Variants in LITAF observed in about 807,000 individuals in gnomAD.
The protein encoded by LITAF is lipopolysaccharide induced TNF factor.
Under a neutral mutation model 14.5 loss-of-function variants are expected in LITAF, and 9 were observed. That is an observed-to-expected ratio of 0.62 (90% CI 0.37 to 1.08). The LOEUF (loss-of-function observed/expected upper bound fraction) is 1.08. Among genes scored for constraint, LITAF ranks in the 50% least tolerant of loss-of-function variants. The probability of loss-of-function intolerance (pLI) is 0.01; values close to 1 mark genes in which losing one functional copy is unlikely to be tolerated. For synonymous variants in LITAF, 98 were observed against 88.2 expected, an observed-to-expected ratio of 1.11 and a Z score of -0.62; for missense variants, 206 against 213.4, an observed-to-expected ratio of 0.97 and a Z score of 0.22.
intron 1 of LITAF, among the ~76,000 whole-genome samples, chr16:11,585,916 T>C (rs1470451268): frequency 6.6e-6 from 1 of 152,170 alleles, no homozygotes; most frequent in Non-Finnish European, 1.5e-5. Context: ...AGAAAACCAG[T>C]GAAGGTCCAA....
chr16:11,579,443 G>T (rs1185894017), intron 1 of LITAF, among the ~76,000 whole-genome samples: 1 of 148,794 alleles, frequency 6.7e-6, no homozygotes. Flanking sequence ...GGGCGACAGA[G>T]CGAGACTCCG....
upstream of LITAF, among the ~76,000 whole-genome samples, chr16:11,590,656 T>C (rs775161903): frequency 1.7e-5 from 2 of 118,334 alleles, no homozygotes; most frequent in Non-Finnish European, 3.4e-5. Flanking sequence ...GCCACGTTGA[T>C]GTGTAAAAGT....
chr16:11,617,473 C>T (rs1358341804), intron 3 of LITAF, among the ~76,000 whole-genome samples: 9 of 129,036 alleles, frequency 7.0e-5, no homozygotes, highest in African/African-American at 2.5e-4. Context: ...TGCTCTGTTG[C>T]CCAGGCTGGA....
intron 3 of LITAF, among the ~76,000 whole-genome samples, chr16:11,608,653 G>C (rs933864983): frequency 9.2e-5 from 14 of 152,182 alleles, no homozygotes; most frequent in African/African-American, 2.9e-4. Flanking sequence ...CACTGAGTGA[G>C]AGAAGTCAGG....
At position 11,553,444 on chromosome 16, in the gene LITAF, G is replaced by A. The variant is rs371600978; in HGVS notation, c.377+89C>T. The stretch of plus-strand genomic sequence containing the variant: ...ACAACACAAATGTCTGGCCCTGAAT[G>A]TCAAGCATGGTGCAGTTGAGAACCC... On this transcript the variant is annotated intron_variant, in intron 3 of 3. Transcript: ENST00000622633. This position sits in a 1 kb window ranked among gnomAD's most constrained non-coding sequence, Gnocchi z 7.7. The A allele has an allele frequency of 4.0e-5, 55 of 1,374,108 alleles. 1 individual carries two copies. The South Asian group carries it at 6.3e-4, about 16-fold the overall frequency. The allele number at this position is 1,374,108 out of a possible 1,614,324, so 85.1% of individuals were successfully genotyped here.
intron 1 of LITAF, among the ~76,000 whole-genome samples, chr16:11,557,288 G>A (rs970481359): frequency 1.3e-5 from 2 of 151,884 alleles, no homozygotes; most frequent in Middle Eastern, 3.4e-3. Context: ...TCTTGGAAGA[G>A]GAAGAAGAAT....
intron 1 of LITAF, among the ~76,000 whole-genome samples, chr16:11,560,986 T>G (rs2064353838): frequency 6.6e-6 from 1 of 152,140 alleles, no homozygotes; most frequent in Non-Finnish European, 1.5e-5. Flanking sequence ...ACCCCTGACA[T>G]CTGCTTCTGG....
chr16:11,618,573 G>C (rs925346086), intron 3 of LITAF, among the ~76,000 whole-genome samples: 1 of 152,204 alleles, frequency 6.6e-6, no homozygotes, highest in Non-Finnish European at 1.5e-5. Flanking sequence ...TGTGCGATGG[G>C]CTAATAGCAA....
chr16:11,571,843 G>C (rs1215850642), intron 1 of LITAF, among the ~76,000 whole-genome samples: 1 of 152,078 alleles, frequency 6.6e-6, no homozygotes, highest in Non-Finnish European at 1.5e-5. Context: ...CATGCCTGTA[G>C]TCCCAGCACT....
rs2064307326 is a variant in LITAF at position 11,558,399 on chromosome 16, C to T, written c.-5-1664G>A. Among the ~76,000 whole-genome samples, 1 of 151,484 alleles carries T rather than the reference C, an allele frequency of 6.6e-6. No individual in the cohort carries two copies. Among genetic ancestry groups the T allele is most frequent in the African/African-American group, 2.4e-5 (1 of 40,858 alleles). On this transcript the variant is annotated intron_variant, in intron 1 of 3. Transcript: ENST00000622633. The surrounding 1 kb of genome is among the most constrained non-coding windows in gnomAD (Gnocchi z 4.1). ...AACCTGGGCAACATGGTGAGACCCC[C>T]ATCTCTAAAACAAAACAAAACAAAA...
intron 1 of LITAF, chr16:11,636,118 A>C (rs1466108579): frequency 6.6e-6 from 1 of 152,160 alleles, no homozygotes; most frequent in Non-Finnish European, 1.5e-5. Flanking sequence ...GCATGGAGAA[A>C]TTTCCCTCCT....
At chr16:11,595,115 G>A (rs1228565768) in intron 1 of LITAF, among the ~76,000 whole-genome samples, 6 of 152,156 alleles carry the variant, frequency 3.9e-5, no homozygotes, top group African/African-American at 4.8e-5. Flanking sequence ...ACCCATTAAC[G>A]ACCAATTCCG....
chr16:11,608,349 A>G (rs975523825), intron 3 of LITAF, among the ~76,000 whole-genome samples: 3 of 152,206 alleles, frequency 2.0e-5, no homozygotes, highest in Non-Finnish European at 2.9e-5. Flanking sequence ...GTTGGATTCT[A>G]CCGGGTGTGG....
intron 1 of LITAF, among the ~76,000 whole-genome samples, chr16:11,598,018 G>A (rs565774994): frequency 9.9e-5 from 15 of 152,118 alleles, no homozygotes; most frequent in Non-Finnish European, 1.6e-4. Context: ...CAATTCTCCC[G>A]CCTCAGACAC....
At chr16:11,567,684 T>C (rs2064474604) in intron 1 of LITAF, among the ~76,000 whole-genome samples, 1 of 151,806 alleles carries the variant, frequency 6.6e-6, no homozygotes, top group Non-Finnish European at 1.5e-5. Context: ...TATGGAAAGA[T>C]GTCAAGAGGG....
chr16:11,624,044 G>A lies in LITAF; in HGVS notation c.85+9489C>T, dbSNP rs1215464062. Among the ~76,000 whole-genome samples, 4 of 152,212 alleles carry A rather than the reference G, an allele frequency of 2.6e-5. No homozygotes were observed. In the East Asian group the frequency reaches 7.7e-4, roughly 29 times the overall value. The stretch of plus-strand genomic sequence containing the variant: ...TCACACTTGTAATCCCAGTACTTTG[G>A]GAGGCCAAGGCAGGAGGATCACTTA... On this transcript the variant is annotated intron_variant, in intron 3 of 3. Coordinates refer to the LITAF transcript ENST00000574848.
At position 11,547,935 on chromosome 16, in the gene LITAF, T is replaced by C. The variant is rs781480210; in HGVS notation, c.*1702A>G. On this transcript the variant is annotated 3_prime_UTR_variant, in exon 4 of 4. Coordinates refer to ENST00000622633, the MANE Select transcript of LITAF (RefSeq NM_001136472.2). ...CGTTACTGAACAAATAAAGGTTCTT[T>C]GTAGCAATGGCTGGAAATGCAACAT... 2.2e-6 allele frequency: 1 copy of C among 454,158 alleles called. No individual in the cohort carries two copies. Among genetic ancestry groups the C allele is most frequent in the Non-Finnish European group, 4.4e-6 (1 of 226,810 alleles). The allele number at this position is 454,158 out of a possible 1,614,324, so 28.1% of individuals were successfully genotyped here.
At chr16:11,587,743 C>T (rs1007229583), upstream of LITAF, among the ~76,000 whole-genome samples, 9 of 152,160 alleles carry the variant, frequency 5.9e-5, no homozygotes, top group African/African-American at 2.2e-4. Context: ...GGAGCCCCAT[C>T]GGCCGGCTGC....
chr16:11,565,651 G>C (rs180731727), intron 1 of LITAF, among the ~76,000 whole-genome samples: 313 of 152,104 alleles, frequency 2.1e-3, no homozygotes, highest in African/African-American at 7.0e-3. Context: ...CCCTGCTCCG[G>C]GTTTGTGGGG....
Sources: allele counts gnomAD v4.1 joint callset (sites outside exome capture counted in the v4.1 genomes callset), GRCh38; gene constraint gnomAD v4.1.1; non-coding constraint Gnocchi (gnomAD v3.1); transcripts MANE v1.5; gene names NCBI Gene and HGNC (gene_info 2026-07-23, HGNC 2026-07-21).